AKR1C1: variants seen among roughly 807,000 people sequenced by gnomAD.
AKR1C1 encodes aldo-keto reductase family 1 member C1.
In AKR1C1, 32 loss-of-function variants were observed where a neutral mutation model predicts 40.6. The ratio of observed to expected loss-of-function variants is 0.79; its 90% CI spans 0.60 to 1.06. The LOEUF (loss-of-function observed/expected upper bound fraction) is 1.06. Ranked by LOEUF, AKR1C1 falls within the 50% of genes least tolerant of loss-of-function variation. The pLI, the probability that AKR1C1 is intolerant of heterozygous loss-of-function variation, is 0.00. For synonymous variants in AKR1C1, 105 were observed against 134.2 expected, an observed-to-expected ratio of 0.78 and a Z score of 1.50; for missense variants, 320 against 363.5, an observed-to-expected ratio of 0.88 and a Z score of 0.97.
intron 3 of AKR1C1, chr10:4,967,824 T>G (rs1285005532): frequency 1.0e-5 from 2 of 193,256 alleles, no homozygotes; most frequent in Admixed American, 5.6e-5. Flanking sequence ...TACCGTGAGC[T>G]CCTGTGCATC....
chr10:4,966,821 G>A, intron 2 of AKR1C1, 106 bp from the exon 3 acceptor site: 11 of 960,666 alleles, frequency 1.1e-5, no homozygotes, highest in Non-Finnish European at 1.7e-5. Flanking sequence ...TTTGCCTGTG[G>A]TCATTAGTTT....
chr10:4,981,228 T>C lies in AKR1C1; in HGVS notation c.*3486T>C, dbSNP rs1836609921. On this transcript the variant is annotated 3_prime_UTR_variant, in exon 9 of 9. Transcript: ENST00000380872. ...CTTTCTTGCTTTATTTATAGAACAC[T>C]TACAGAGTAGATATAGATTAAATCT... is the stretch of plus-strand genomic sequence containing the variant. 1 of 152,216 alleles carries C rather than the reference T, an allele frequency of 6.6e-6. No homozygotes were observed. Among genetic ancestry groups the C allele is most frequent in the African/African-American group, 2.4e-5 (1 of 41,448 alleles). The allele number at this position is 152,216 out of a possible 1,614,324, so 9.4% of individuals were successfully genotyped here.
rs1185193337 is a variant in AKR1C1, at chr10:4,972,415, G to A, written c.680+105G>A. The A allele has an allele frequency of 2.1e-5, 29 of 1,401,712 alleles. No individual in the cohort carries two copies. The African/African-American group carries it at 3.3e-4, about 16-fold the overall frequency. The allele number at this position is 1,401,712 out of a possible 1,614,324, so 86.8% of individuals were successfully genotyped here. The stretch of plus-strand genomic sequence containing the variant: ...TTCACTCACAGCTGACTTGGGGTGA[G>A]GGAAGAATTTGCATTTCTGACGAGA... On this transcript the variant is annotated intron_variant, in intron 6 of 8. Transcript: ENST00000380872.
intron 5 of AKR1C1, chr10:4,969,957 C>A (rs912478735): frequency 2.1e-6 from 1 of 469,094 alleles, no homozygotes; most frequent in East Asian, 3.8e-5. Context: ...GGTTTTAATA[C>A]TAGTAGTTCC....
In AKR1C1 at chr10:4,966,233, G is replaced by T. The variant is rs1328247705; in HGVS notation, c.252+152G>T. 4.4e-6 allele frequency: 6 copies of T among 1,357,926 alleles called. No individual in the cohort carries two copies. The Admixed American group carries it at 8.9e-5, about 20-fold the overall frequency. The allele number at this position is 1,357,926 out of a possible 1,614,324, so 84.1% of individuals were successfully genotyped here. On this transcript the variant is annotated intron_variant, in intron 2 of 8. Transcript: ENST00000380872. ...CTCATGTATTAAAACTAATATCAAA[G>T]GCAGGAAGTGAAGATGGCTTTCTCA...
At position 4,979,299 on chromosome 10, in the gene AKR1C1, G is replaced by A. The variant is rs1323277241; in HGVS notation, c.*1557G>A. The A allele has an allele frequency of 6.6e-6, 1 of 152,136 alleles. No homozygotes were observed. The highest frequency in any genetic ancestry group is 1.5e-5 in the Non-Finnish European group (1 of 68,016). The allele number at this position is 152,136 out of a possible 1,614,324, so 9.4% of individuals were successfully genotyped here. Reference sequence around the variant, plus strand: ...AAATATTAAATATCACTTCTAGGCTGAAAAATCCCCCTAAAAATATTTCTA... The same window carrying A: ...AAATATTAAATATCACTTCTAGGCTAAAAAATCCCCCTAAAAATATTTCTA... On this transcript the variant is annotated 3_prime_UTR_variant, in exon 9 of 9. Coordinates refer to ENST00000380872, the MANE Select transcript of AKR1C1 (RefSeq NM_001353.6).
rs1249211706 is a variant in AKR1C1 at position 4,977,903 on chromosome 10, G to C, written c.*161G>C. 1 of 1,122,874 alleles carries C rather than the reference G, an allele frequency of 8.9e-7. No homozygotes were observed. Among genetic ancestry groups the C allele is most frequent in the African/African-American group, 1.7e-5 (1 of 60,592 alleles). The allele number at this position is 1,122,874 out of a possible 1,614,324, so 69.6% of individuals were successfully genotyped here. ...CAAAGCCCATTGGCCAGAAAGGAAA[G>C]ACAATAATTTTGTTTTTTCATTTTG... On this transcript the variant is annotated 3_prime_UTR_variant, in exon 9 of 9. Transcript: ENST00000380872.
At position 4,981,623 on chromosome 10, in the gene AKR1C1, A is replaced by C. The variant is rs1836616936; in HGVS notation, c.*3881A>C. On this transcript the variant is annotated 3_prime_UTR_variant, in exon 9 of 9. Transcript: ENST00000380872. ...ACACTCTGAAGAAGTCTCAGGCACA[A>C]TCCTACTCCATGAAATAAGAAAAAA... 6.6e-6 allele frequency: 1 copy of C among 152,338 alleles called. No homozygotes were observed. Among genetic ancestry groups the C allele is most frequent in the South Asian group, 2.1e-4 (1 of 4,826 alleles). 9.4% of individuals were successfully genotyped at this position (152,338 alleles called of 1,614,324 possible).
At chr10:4,977,026 C>G (rs1836536759) in intron 8 of AKR1C1, among the ~76,000 whole-genome samples, 1 of 152,190 alleles carries the variant, frequency 6.6e-6, no homozygotes, top group Admixed American at 6.5e-5. Flanking sequence ...CACTTGCGAG[C>G]TTCCAAGTGT....
rs1471463503 is a variant in AKR1C1 at position 4,980,756 on chromosome 10, A to G, written c.*3014A>G. The G allele has an allele frequency of 6.6e-6, 1 of 151,932 alleles. No individual in the cohort carries two copies. The highest frequency in any genetic ancestry group is 2.4e-5 in the African/African-American group (1 of 41,364). 9.4% of individuals were successfully genotyped at this position (151,932 alleles called of 1,614,324 possible). ...TCCACTGAAATCTTGCATTCCTCCA[A>G]GTCATCCAGGAGGGTTGAATTCACT... On this transcript the variant is annotated 3_prime_UTR_variant, in exon 9 of 9. Transcript: ENST00000380872.
rs1302245253 is a variant in AKR1C1 at position 4,968,867 on chromosome 10, G to T, written c.493G>T (p.Val165Leu). The T allele has an allele frequency of 9.3e-6, 15 of 1,614,060 alleles. No homozygotes were observed. The highest frequency in any genetic ancestry group is 1.1e-5 in the Non-Finnish European group (13 of 1,180,044). ...TGCAGGATTGGCCAAGTCCATCGGG[G>T]TGTCCAACTTCAACCGCAGGCAGCT... ...KDAGLAKSIGVSNFNRRQLEM... is the reference protein window; with the variant it reads ...KDAGLAKSIGLSNFNRRQLEM... Residue 165 changes from valine (V) to leucine (L), a missense_variant, in exon 5 of 9, where the codon GTG becomes TTG. Transcript: ENST00000380872.
intron 5 of AKR1C1, among the ~76,000 whole-genome samples, chr10:4,969,300 A>G (rs567995199): frequency 1.3e-5 from 2 of 152,384 alleles, no homozygotes; most frequent in East Asian, 1.9e-4. Flanking sequence ...GTGCATAGAT[A>G]TGAAGCCGTG....
intron 8 of AKR1C1, among the ~76,000 whole-genome samples, chr10:4,976,723 A>G (rs1221528305): frequency 6.6e-6 from 1 of 152,250 alleles, no homozygotes; most frequent in South Asian, 2.1e-4. Flanking sequence ...AATGAGGGAA[A>G]AAAGAAGTTA....
intron 8 of AKR1C1, among the ~76,000 whole-genome samples, chr10:4,977,313 T>G (rs1836540775): frequency 6.6e-6 from 1 of 152,192 alleles, no homozygotes; most frequent in South Asian, 2.1e-4. Flanking sequence ...CACTCAAAAT[T>G]GTTTATTAGT....
At position 4,982,287 on chromosome 10, in the gene AKR1C1, T is replaced by C. The variant is rs1836630147; in HGVS notation, c.*4545T>C. ...CATAAAGCCATCTAGTGGATGTTTG[T>C]GGCTTAACAAGCCCCTTCAATAAGT... On this transcript the variant is annotated 3_prime_UTR_variant, in exon 9 of 9. Transcript: ENST00000380872. 1 of 152,206 alleles carries C rather than the reference T, an allele frequency of 6.6e-6. No homozygotes were observed. Among genetic ancestry groups the C allele is most frequent in the Admixed American group, 6.5e-5 (1 of 15,272 alleles). The allele number at this position is 152,206 out of a possible 1,614,324, so 9.4% of individuals were successfully genotyped here. A position where few individuals can be genotyped will look rare whatever the true frequency, so the allele number is the denominator to read the frequency against.
At chr10:4,973,413 G>A (rs1554770116) in intron 7 of AKR1C1, among the ~76,000 whole-genome samples, 1 of 152,194 alleles carries the variant, frequency 6.6e-6, no homozygotes, top group African/African-American at 2.4e-5. Flanking sequence ...GCTTCAGGAT[G>A]TCCCTGGGGC....
intron 3 of AKR1C1, 58 bp from the exon 4 acceptor site, chr10:4,968,251 T>G (rs968550642): frequency 1.4e-6 from 2 of 1,404,992 alleles, no homozygotes; most frequent in African/African-American, 1.4e-5. Flanking sequence ...CCTCAGAGCA[T>G]GGCTATGTGT....
In AKR1C1 at chr10:4,978,301, G is replaced by A. The variant is rs1434101071; in HGVS notation, c.*559G>A. On this transcript the variant is annotated 3_prime_UTR_variant, in exon 9 of 9. Transcript: ENST00000380872. ...GGGAGGAGGCATCCCTGTGAGGGGG[G>A]GTTAGGGAGATGGGAGGGCACCAGG... The A allele has an allele frequency of 6.7e-6, 1 of 149,980 alleles. No homozygotes were observed. Among genetic ancestry groups the A allele is most frequent in the Non-Finnish European group, 1.5e-5 (1 of 67,890 alleles). The allele number at this position is 149,980 out of a possible 1,614,324, so 9.3% of individuals were successfully genotyped here.
chr10:4,970,283 C>G (rs1836401940), intron 5 of AKR1C1, among the ~76,000 whole-genome samples: 1 of 152,132 alleles, frequency 6.6e-6, no homozygotes, highest in Non-Finnish European at 1.5e-5. Flanking sequence ...TTGAATTTTT[C>G]CTTGCTTAAT....
Sources: gnomAD v4.1 joint callset for allele counts (sites outside exome capture counted in the v4.1 genomes callset) on GRCh38, gnomAD v4.1.1 for gene constraint, MANE v1.5 for transcripts, NCBI Gene and HGNC (gene_info 2026-07-23, HGNC 2026-07-21) for gene names.